The following NFASC variants were observed in gnomAD, a reference collection of about 807,000 sequenced individuals.
The protein encoded by NFASC is neurofascin homolog.
NFASC carries 43 observed loss-of-function variants against 147.5 expected under a neutral mutation model. That is an observed-to-expected ratio of 0.29 (90% CI 0.23 to 0.38). The LOEUF (loss-of-function observed/expected upper bound fraction) is 0.38. Among genes scored for constraint, NFASC ranks in the 10% least tolerant of loss-of-function variants. The probability of loss-of-function intolerance (pLI) is 1.00; values close to 1 mark genes in which losing one functional copy is unlikely to be tolerated. For synonymous variants in NFASC, 622 were observed against 665.5 expected, an observed-to-expected ratio of 0.93 and a Z score of 1.01; for missense variants, 1,320 against 1,689.0, an observed-to-expected ratio of 0.78 and a Z score of 3.83.
At chr1:204,879,963 G>C (rs970684443) in intron 1 of NFASC, among the ~76,000 whole-genome samples, 1 of 152,198 alleles carries the variant, frequency 6.6e-6, no homozygotes, top group African/African-American at 2.4e-5. Context: ...AGCTGGTGGT[G>C]CTGGCCCTCT....
At chr1:204,949,677 T>G (rs1039110721) in intron 3 of NFASC, among the ~76,000 whole-genome samples, 4 of 152,178 alleles carry the variant, frequency 2.6e-5, no homozygotes, top group Non-Finnish European at 5.9e-5. Flanking sequence ...CCCCAGCACT[T>G]GTCAGAAAGG....
intron 1 of NFASC, among the ~76,000 whole-genome samples, chr1:204,831,461 C>T (rs1672209303): frequency 6.6e-6 from 1 of 151,582 alleles, no homozygotes; most frequent in African/African-American, 2.4e-5. Flanking sequence ...AGAGGAGGGT[C>T]TGATTTCTGT....
At position 204,987,613 on chromosome 1, in the gene NFASC, G is replaced by C. The variant is rs1400994144; in HGVS notation, c.2593+73G>C. The C allele has an allele frequency of 5.1e-6, 8 of 1,577,156 alleles. No homozygotes were observed. The highest frequency in any genetic ancestry group is 5.1e-5 in the Admixed American group (3 of 59,342). ...CCCCATTCTCACCACTTTTCCTAAG[G>C]ACTCAAGGTAGAAAGCCTGTGGGTG... On this transcript the variant is annotated intron_variant, in intron 22 of 29. Transcript: ENST00000339876. This position sits in a 1 kb window ranked among gnomAD's most constrained non-coding sequence, Gnocchi z 4.4.
At chr1:204,967,486 T>G (rs999238057) in intron 8 of NFASC, among the ~76,000 whole-genome samples, 4 of 152,160 alleles carry the variant, frequency 2.6e-5, no homozygotes, top group Non-Finnish European at 4.4e-5. Flanking sequence ...TGAATCTCAT[T>G]GATTTCAGAC....
intron 1 of NFASC, among the ~76,000 whole-genome samples, chr1:204,833,041 C>A (rs1459429857): frequency 2.6e-5 from 4 of 152,224 alleles, no homozygotes; most frequent in Non-Finnish European, 4.4e-5. Context: ...GAGTTAATGG[C>A]TGTGCGGGGT....
chr1:204,882,548 T>C (rs1023824795), intron 1 of NFASC, among the ~76,000 whole-genome samples: 3 of 152,172 alleles, frequency 2.0e-5, no homozygotes, highest in South Asian at 4.1e-4. Context: ...TTCATAGCAC[T>C]TCCCCACTAC....
intron 1 of NFASC, among the ~76,000 whole-genome samples, chr1:204,835,294 C>T (rs537036492): frequency 7.0e-6 from 1 of 143,346 alleles, no homozygotes; most frequent in East Asian, 2.2e-4. Flanking sequence ...GATCTTGACT[C>T]ACTGCAACCT....
At chr1:204,948,420 A>G (rs1223196566) in intron 3 of NFASC, among the ~76,000 whole-genome samples, 1 of 152,132 alleles carries the variant, frequency 6.6e-6, no homozygotes, top group East Asian at 1.9e-4. Flanking sequence ...GCCTGATAGT[A>G]TGGGGGCTGG....
chr1:204,996,899 G>A (rs182834046), intron 24 of NFASC, among the ~76,000 whole-genome samples: 5 of 152,238 alleles, frequency 3.3e-5, no homozygotes, highest in African/African-American at 9.6e-5. Flanking sequence ...TCATCCTCAC[G>A]CATCCTTGGC....
Position 205,001,225 on chromosome 1 carries a change from C to T in NFASC, c.3075C>T (p.Ala1025=), listed in dbSNP as rs1322924134. ...CGGTGCTCCCCAACAGTAAATGGGC[C>T]AACATCACCTGGAAGCACAATTTCG... ...NVTVLPNSKW[A]NITWKHNFGP... The change falls in exon 26 of 30, where the codon GCC becomes GCT. Residue 1025 remains alanine, a synonymous_variant. Transcript: ENST00000339876. 32 of 1,612,840 alleles carry T rather than the reference C, an allele frequency of 2.0e-5. No individual in the cohort carries two copies. Among genetic ancestry groups the T allele is most frequent in the Non-Finnish European group, 2.5e-5 (30 of 1,179,500 alleles).
chr1:204,903,882 G>A (rs1255215700), intron 1 of NFASC, among the ~76,000 whole-genome samples: 1 of 152,138 alleles, frequency 6.6e-6, no homozygotes, highest in Non-Finnish European at 1.5e-5. Context: ...TGTGTCGTTT[G>A]CTTATCTTTT....
At chr1:204,991,797 G>A (rs1270407073) in intron 24 of NFASC, among the ~76,000 whole-genome samples, 1 of 152,232 alleles carries the variant, frequency 6.6e-6, no homozygotes, top group African/African-American at 2.4e-5. Flanking sequence ...GCTGCATGGG[G>A]GCCCGGCACC....
chr1:204,939,473 C>G (rs2093189749), intron 2 of NFASC, among the ~76,000 whole-genome samples: 2 of 152,208 alleles, frequency 1.3e-5, no homozygotes, highest in Admixed American at 6.5e-5. Context: ...TACACTCTCT[C>G]CCAGCATGTG....
At chr1:204,981,036 A>C (rs1346355151) in intron 20 of NFASC, among the ~76,000 whole-genome samples, 1 of 152,240 alleles carries the variant, frequency 6.6e-6, no homozygotes. Context: ...ACCACTTCCC[A>C]GTCTGAGAAT....
intron 2 of NFASC, among the ~76,000 whole-genome samples, chr1:204,922,448 G>A (rs945939615): frequency 3.3e-5 from 5 of 152,150 alleles, no homozygotes; most frequent in African/African-American, 1.2e-4. Context: ...TCGAATATCG[G>A]TTCTGAGCTT....
rs372261988 is a variant in NFASC at position 204,942,603 on chromosome 1, C to T, written c.-90-1623C>T. On this transcript the variant is annotated intron_variant, in intron 2 of 29. Coordinates refer to ENST00000339876, the MANE Select transcript of NFASC (RefSeq NM_001005388.3). Reference sequence around the variant, plus strand: ...CATATCACACTGCATCCCATAAATGCGTACAATTATTATGTGTCAATTAAA... The same window carrying T: ...CATATCACACTGCATCCCATAAATGTGTACAATTATTATGTGTCAATTAAA... 5.9e-5 allele frequency among the ~76,000 whole-genome samples: 9 copies of T among 152,154 alleles called. 1 individual carries two copies. Among genetic ancestry groups the T allele is most frequent in the East Asian group, 3.9e-4 (2 of 5,174 alleles).
chr1:204,889,800 C>T (rs1038529086), intron 1 of NFASC, among the ~76,000 whole-genome samples: 1 of 152,148 alleles, frequency 6.6e-6, no homozygotes, highest in Non-Finnish European at 1.5e-5. Flanking sequence ...ATTTATCTGG[C>T]GGCTGGGAGC....
chr1:204,887,563 A>AT (rs1453581409), intron 1 of NFASC, among the ~76,000 whole-genome samples: 1 of 50,674 alleles, frequency 2.0e-5, no homozygotes, highest in Non-Finnish European at 4.7e-5. Context: ...TCCATGTTTA[A>AT]TTTTTTTGAG....
chr1:204,946,971 A>G, intron 3 of NFASC: 1 of 359,442 alleles, frequency 2.8e-6, no homozygotes, highest in Admixed American at 3.5e-5. Context: ...CCCACAAGAA[A>G]GTTTGCTTGC....
Sources: gnomAD v4.1 joint callset for allele counts (sites outside exome capture counted in the v4.1 genomes callset) on GRCh38, gnomAD v4.1.1 for gene constraint, Gnocchi (gnomAD v3.1) non-coding constraint, MANE v1.5 for transcripts, NCBI Gene and HGNC (gene_info 2026-07-23, HGNC 2026-07-21) for gene names.